Variants in KIAA0825 observed in about 807,000 individuals in gnomAD.
KIAA0825 encodes the protein KIAA0825.
In KIAA0825, 119 loss-of-function variants were observed where a neutral mutation model predicts 147.6. The ratio of observed to expected loss-of-function variants is 0.81; its 90% CI spans 0.69 to 0.94. The LOEUF is 0.94. Ranked by LOEUF, KIAA0825 falls within the 40% of genes least tolerant of loss-of-function variation. The probability of loss-of-function intolerance (pLI) is 0.00; values close to 1 mark genes in which losing one functional copy is unlikely to be tolerated. For missense variants in KIAA0825, 1,381 were observed against 1,472.7 expected, an observed-to-expected ratio of 0.94 and a Z score of 1.02; for synonymous variants, 470 against 518.1, an observed-to-expected ratio of 0.91 and a Z score of 1.26.
intron 20 of KIAA0825, among the ~76,000 whole-genome samples, chr5:94,342,889 A>G (rs1394613545): frequency 1.3e-5 from 2 of 152,288 alleles, no homozygotes; most frequent in African/African-American, 4.8e-5. Flanking sequence ...GTTCTAGTAA[A>G]ATTACTAGAA....
intron 20 of KIAA0825, among the ~76,000 whole-genome samples, chr5:94,238,124 G>A (rs982490716): frequency 5.9e-5 from 9 of 152,206 alleles, no homozygotes; most frequent in Non-Finnish European, 1.2e-4. Context: ...AAAATATAAC[G>A]ATGGCTGTAA....
At chr5:94,425,015 A>G (rs1434552781) in intron 14 of KIAA0825, among the ~76,000 whole-genome samples, 2 of 152,230 alleles carry the variant, frequency 1.3e-5, no homozygotes, top group African/African-American at 2.4e-5. Flanking sequence ...CCCAACAAAG[A>G]AAAGTACAAG....
chr5:94,585,479 A>G (rs1783087923), intron 1 of KIAA0825, among the ~76,000 whole-genome samples: 1 of 152,244 alleles, frequency 6.6e-6, no homozygotes, highest in African/African-American at 2.4e-5. Flanking sequence ...CAATTCAACA[A>G]GAAGAGCTAA....
chr5:94,547,816 G>T (rs1486075340), intron 2 of KIAA0825, among the ~76,000 whole-genome samples: 1 of 150,776 alleles, frequency 6.6e-6, no homozygotes, highest in East Asian at 1.9e-4. Flanking sequence ...TCTGGCAGCA[G>T]ACTTTGAAAC....
chr5:94,385,402 G>A (rs907021819), intron 19 of KIAA0825, among the ~76,000 whole-genome samples: 9 of 152,180 alleles, frequency 5.9e-5, no homozygotes, highest in Admixed American at 2.6e-4. Flanking sequence ...ATTGATGAGT[G>A]TAGACTAGAG....
intron 2 of KIAA0825, among the ~76,000 whole-genome samples, chr5:94,581,641 T>C (rs973157816): frequency 6.6e-6 from 1 of 152,368 alleles, no homozygotes; most frequent in East Asian, 1.9e-4. Flanking sequence ...TCATTTGGTG[T>C]TTGTGTCACA....
At chr5:94,524,185 T>G in intron 3 of KIAA0825, 87 bp from the exon 4 acceptor site, 1 of 728,704 alleles carries the variant, frequency 1.4e-6, no homozygotes, top group Non-Finnish European at 2.2e-6. Context: ...AATCTTCATA[T>G]GTGGTACCTG....
intron 1 of KIAA0825, among the ~76,000 whole-genome samples, chr5:94,592,030 T>C (rs1784446655): frequency 6.6e-6 from 1 of 152,088 alleles, no homozygotes; most frequent in African/African-American, 2.4e-5. Context: ...CAAGATGAGA[T>C]TTGGGTGGGG....
rs190482386 is a variant in KIAA0825, at chr5:94,255,124, A to G, written c.3711-101000T>C. Among the ~76,000 whole-genome samples, 59 of 150,930 alleles carry G rather than the reference A, an allele frequency of 3.9e-4. No individual in the cohort carries two copies. The East Asian group carries it at 4.1e-3, about 10-fold the overall frequency. On this transcript the variant is annotated intron_variant, in intron 20 of 20. Coordinates refer to ENST00000682413, the MANE Select transcript of KIAA0825 (RefSeq NM_001145678.3). ...ATGTCTTATATCTCTTTGAATCCAT[A>G]CTAGATATTAATAAATATTTAGTCA... is the stretch of plus-strand genomic sequence containing the variant.
At chr5:94,490,912 C>T (rs1383500741) in intron 5 of KIAA0825, among the ~76,000 whole-genome samples, 1 of 152,126 alleles carries the variant, frequency 6.6e-6, no homozygotes, top group East Asian at 1.9e-4. Context: ...TGCAACAAAG[C>T]AGCATTTGAA....
chr5:94,458,504 C>T lies in KIAA0825; in HGVS notation c.2246+3883G>A, dbSNP rs377575075. 9.2e-5 allele frequency among the ~76,000 whole-genome samples: 14 copies of T among 152,244 alleles called. No individual in the cohort carries two copies. The South Asian group carries it at 2.9e-3, about 32-fold the overall frequency. On this transcript the variant is annotated intron_variant, in intron 12 of 20. Transcript: ENST00000682413. ...ACTGGACCTTGGGGTACACCAGGAA[C>T]CAGCCAGTCGAATATTCTGGGAGCA...
At chr5:94,294,886 A>T (rs1778067253) in intron 20 of KIAA0825, among the ~76,000 whole-genome samples, 1 of 152,088 alleles carries the variant, frequency 6.6e-6, no homozygotes, top group African/African-American at 2.4e-5. Flanking sequence ...GGTGAATTTT[A>T]CAATTATGTG....
chr5:94,574,334 G>A (rs753405587), intron 2 of KIAA0825, among the ~76,000 whole-genome samples: 1 of 152,012 alleles, frequency 6.6e-6, no homozygotes, highest in African/African-American at 2.4e-5. Context: ...CACAAGATCA[G>A]GAGTTCGAGA....
intron 20 of KIAA0825, among the ~76,000 whole-genome samples, chr5:94,354,536 T>A (rs919678705): frequency 4.6e-5 from 7 of 152,154 alleles, no homozygotes; most frequent in African/African-American, 1.7e-4. Context: ...AATATTTATT[T>A]GTATTTTTTC....
chr5:94,270,226 T>C (rs549203901), intron 20 of KIAA0825, among the ~76,000 whole-genome samples: 1 of 152,150 alleles, frequency 6.6e-6, no homozygotes, highest in South Asian at 2.1e-4. Flanking sequence ...CAAAACAGTA[T>C]GGTATCAGCA....
intron 14 of KIAA0825, among the ~76,000 whole-genome samples, chr5:94,430,610 T>G (rs1249272190): frequency 6.6e-6 from 1 of 152,180 alleles, no homozygotes; most frequent in Non-Finnish European, 1.5e-5. Flanking sequence ...ATCATTTGAG[T>G]TGCTTGGGAA....
chr5:94,576,757 C>T (rs1033652340), intron 2 of KIAA0825, among the ~76,000 whole-genome samples: 3 of 152,186 alleles, frequency 2.0e-5, no homozygotes, highest in Admixed American at 6.5e-5. Flanking sequence ...AGAGAAGAGA[C>T]ATCTACTCAC....
chr5:94,556,642 C>T (rs970424608), intron 2 of KIAA0825, among the ~76,000 whole-genome samples: 12 of 152,294 alleles, frequency 7.9e-5, no homozygotes, highest in East Asian at 1.9e-4. Context: ...CATTACAATA[C>T]GCTTTTATGC....
intron 14 of KIAA0825, among the ~76,000 whole-genome samples, chr5:94,432,607 A>G (rs1584477667): frequency 1.3e-5 from 2 of 152,342 alleles, no homozygotes; most frequent in African/African-American, 4.8e-5. Context: ...AAATAGAACA[A>G]GTCAGAGTCC....
Sources: gnomAD v4.1 joint callset for allele counts (sites outside exome capture counted in the v4.1 genomes callset) on GRCh38, gnomAD v4.1.1 for gene constraint, MANE v1.5 for transcripts, NCBI Gene and HGNC (gene_info 2026-07-23, HGNC 2026-07-21) for gene names.